Variants in CNTN5 observed in about 807,000 individuals in gnomAD.
The protein encoded by CNTN5 is contactin 5.
CNTN5 carries 77 observed loss-of-function variants against 129.1 expected under a neutral mutation model. The ratio of observed to expected loss-of-function variants is 0.60; its 90% CI spans 0.50 to 0.72. The LOEUF (loss-of-function observed/expected upper bound fraction) is 0.72, where lower values mean the gene tolerates loss of function less well. CNTN5 is among the 30% of genes least tolerant of loss of function. CNTN5 has a pLI of 0.00. For synonymous variants in CNTN5, 509 were observed against 465.6 expected, an observed-to-expected ratio of 1.09 and a Z score of -1.20; for missense variants, 1,478 against 1,328.8, an observed-to-expected ratio of 1.11 and a Z score of -1.75.
intron 12 of CNTN5, among the ~76,000 whole-genome samples, chr11:100,072,055 A>G (rs1463002396): frequency 6.6e-6 from 1 of 152,098 alleles, no homozygotes; most frequent in Non-Finnish European, 1.5e-5. Context: ...TTCTAACTTT[A>G]GTTTTAATCT....
intron 1 of CNTN5, among the ~76,000 whole-genome samples, chr11:99,168,219 C>T (rs1033966782): frequency 6.6e-6 from 1 of 152,114 alleles, no homozygotes; most frequent in African/African-American, 2.4e-5. Flanking sequence ...GCTGGAATTA[C>T]AGGAGTGAGT....
chr11:99,079,791 C>G (rs570201350), intron 1 of CNTN5, among the ~76,000 whole-genome samples: 2 of 152,324 alleles, frequency 1.3e-5, no homozygotes, highest in East Asian at 3.9e-4. Flanking sequence ...CACCCGTCAA[C>G]CTGGTGAACT....
chr11:99,116,347 T>C (rs1409297119), intron 1 of CNTN5, among the ~76,000 whole-genome samples: 1 of 152,182 alleles, frequency 6.6e-6, no homozygotes, highest in Non-Finnish European at 1.5e-5. Context: ...GGAGAAAATA[T>C]CTGATGTTCT....
At chr11:99,089,187 C>A (rs2135310301) in intron 1 of CNTN5, among the ~76,000 whole-genome samples, 1 of 151,838 alleles carries the variant, frequency 6.6e-6, no homozygotes, top group East Asian at 1.9e-4. Context: ...ATTCCAATGA[C>A]AGCAACATAA....
At chr11:99,775,995 A>C (rs1356613110) in intron 3 of CNTN5, among the ~76,000 whole-genome samples, 1 of 152,036 alleles carries the variant, frequency 6.6e-6, no homozygotes. Context: ...TTATAGTCAT[A>C]TCTTTTCATA....
intron 2 of CNTN5, among the ~76,000 whole-genome samples, chr11:99,487,248 G>A (rs919950647): frequency 1.5e-4 from 23 of 152,312 alleles, no homozygotes; most frequent in African/African-American, 5.1e-4. Context: ...ATTAATTAAA[G>A]GGTAGGATGT....
At position 99,832,731 on chromosome 11, in the gene CNTN5, T is replaced by G. The variant is rs180834789; in HGVS notation, c.278-12121T>G. Among the ~76,000 whole-genome samples, 261 of 152,290 alleles carry G rather than the reference T, an allele frequency of 1.7e-3. 1 individual carries two copies. Among genetic ancestry groups the G allele is most frequent in the African/African-American group, 6.0e-3 (251 of 41,566 alleles). On this transcript the variant is annotated intron_variant, in intron 4 of 24. Coordinates refer to ENST00000524871, the MANE Select transcript of CNTN5 (RefSeq NM_014361.4). ...TTCTAGTTAACACTTCAAAATTTCTTGAAATTGTCACATAAAGTATACTAA... is the reference window on the plus strand; with the variant it reads ...TTCTAGTTAACACTTCAAAATTTCTGGAAATTGTCACATAAAGTATACTAA...
Position 99,916,105 on chromosome 11 carries a change from G to A in CNTN5, c.629G>A (p.Gly210Asp), listed in dbSNP as rs1949782916. ...RTRSAVSVRE[G>D]QGVVLMCSPP... ...AGAAGTGCAGTCTCTGTGAGGGAAG[G>A]CCAGGGTGTCGTTCTGATGTGCTCT... is the stretch of plus-strand genomic sequence containing the variant. The change falls in exon 7 of 25, where the codon GGC becomes GAC. Residue 210 changes from glycine to aspartate, a missense_variant. By Grantham distance (94) the Gly-to-Asp change is moderately conservative. Transcript: ENST00000524871. 1 of 1,612,374 alleles carries A rather than the reference G, an allele frequency of 6.2e-7. No homozygotes were observed. Among genetic ancestry groups the A allele is most frequent in the South Asian group, 1.1e-5 (1 of 90,888 alleles).
rs375911272 is a variant in CNTN5, at chr11:99,194,142, A to C, written c.-209-131204A>C. Among the ~76,000 whole-genome samples the C allele has an allele frequency of 7.2e-5, 11 of 152,312 alleles. No homozygotes were observed. In the East Asian group the frequency reaches 1.2e-3, roughly 16 times the overall value. On this transcript the variant is annotated intron_variant, in intron 1 of 24. Coordinates refer to ENST00000524871, the MANE Select transcript of CNTN5 (RefSeq NM_014361.4). The stretch of plus-strand genomic sequence containing the variant: ...GAGCTGAATTTACAGAGAATTCATA[A>C]ATGAAAAATAGATTTGAGGAAATCC...
rs1036109510 is a variant in CNTN5, at chr11:100,287,912, G to A, written c.2315-9713G>A. 2.6e-4 allele frequency among the ~76,000 whole-genome samples: 39 copies of A among 152,170 alleles called. 1 individual carries two copies. Among genetic ancestry groups the A allele is most frequent in the African/African-American group, 8.7e-4 (36 of 41,518 alleles). ...GGCTCAAAATAAAAGGATGGAGGAA[G>A]ATCTACCAAGCAAATGGAAAACAAA... On this transcript the variant is annotated intron_variant, in intron 18 of 24. Transcript: ENST00000524871.
At chr11:100,026,286 C>T (rs944884701) in intron 9 of CNTN5, among the ~76,000 whole-genome samples, 3 of 152,138 alleles carry the variant, frequency 2.0e-5, no homozygotes, top group South Asian at 4.2e-4. Flanking sequence ...CTTCACTTTC[C>T]ACCAAGATAG....
chr11:99,276,148 C>T (rs1292141303), intron 1 of CNTN5, among the ~76,000 whole-genome samples: 2 of 151,630 alleles, frequency 1.3e-5, no homozygotes, highest in African/African-American at 2.4e-5. Context: ...GGTGTGCTGT[C>T]TCTTTGATTC....
At chr11:99,779,881 C>T (rs72987778) in intron 3 of CNTN5, among the ~76,000 whole-genome samples, 2,058 of 152,056 alleles carry the variant, frequency 0.014, 17 homozygotes, top group Middle Eastern at 0.031. Context: ...CTGCTCCCTT[C>T]AATTGCACCA....
chr11:99,759,435 G>A (rs556893733), intron 3 of CNTN5, among the ~76,000 whole-genome samples: 1 of 151,880 alleles, frequency 6.6e-6, no homozygotes, highest in African/African-American at 2.4e-5. Flanking sequence ...TATTATATAG[G>A]GGGCAATGAA....
At chr11:99,042,594 C>G (rs771261858) in intron 1 of CNTN5, among the ~76,000 whole-genome samples, 43 of 152,042 alleles carry the variant, frequency 2.8e-4, no homozygotes, top group African/African-American at 9.4e-4. Context: ...CCAGGATGGT[C>G]TCGACCTTCT....
chr11:99,781,618 C>A (rs959471986), intron 3 of CNTN5, among the ~76,000 whole-genome samples: 2 of 151,958 alleles, frequency 1.3e-5, no homozygotes, highest in Admixed American at 6.6e-5. Flanking sequence ...TGAGTTGGAA[C>A]GCTGACCATA....
intron 7 of CNTN5, among the ~76,000 whole-genome samples, chr11:99,933,777 C>A (rs1251186330): frequency 6.6e-6 from 1 of 152,172 alleles, no homozygotes; most frequent in African/African-American, 2.4e-5. Flanking sequence ...CTGCACCAAA[C>A]CTAATGCTTC....
At chr11:99,764,006 T>A (rs1033757955) in intron 3 of CNTN5, among the ~76,000 whole-genome samples, 7 of 151,934 alleles carry the variant, frequency 4.6e-5, no homozygotes, top group African/African-American at 1.7e-4. Flanking sequence ...ATTTATATTA[T>A]TTTTTTTCCA....
chr11:99,262,530 G>T (rs1862684923), intron 1 of CNTN5, among the ~76,000 whole-genome samples: 1 of 150,742 alleles, frequency 6.6e-6, no homozygotes, highest in East Asian at 1.9e-4. Context: ...CTTTCAAAAT[G>T]TTGGCATAAT....
Sources: allele counts gnomAD v4.1 joint callset (sites outside exome capture counted in the v4.1 genomes callset), GRCh38; gene constraint gnomAD v4.1.1; transcripts MANE v1.5; gene names NCBI Gene and HGNC (gene_info 2026-07-23, HGNC 2026-07-21).